NAV2: variants seen among roughly 807,000 people sequenced by gnomAD.
The protein encoded by NAV2 is neuron navigator 2, also known as helicase, APC down-regulated 1.
A neutral mutation model predicts 223.2 loss-of-function variants in NAV2; 54 were observed. That is an observed-to-expected ratio of 0.24 (90% CI 0.19 to 0.30). The LOEUF is 0.30. NAV2 is among the 10% of genes least tolerant of loss of function. The probability of loss-of-function intolerance (pLI) is 1.00; values close to 1 mark genes in which losing one functional copy is unlikely to be tolerated. For synonymous variants in NAV2, 1,279 were observed against 1,239.3 expected, an observed-to-expected ratio of 1.03 and a Z score of -0.67; for missense variants, 2,806 against 3,147.5, an observed-to-expected ratio of 0.89 and a Z score of 2.60.
chr11:19,868,116 G>T (rs1301852392), intron 3 of NAV2, among the ~76,000 whole-genome samples: 1 of 152,070 alleles, frequency 6.6e-6, no homozygotes, highest in Non-Finnish European at 1.5e-5. Context: ...GGAATGAGTG[G>T]GGTCCCCATT....
intron 2 of NAV2, among the ~76,000 whole-genome samples, chr11:19,841,629 G>A (rs894436797): frequency 2.0e-5 from 3 of 152,128 alleles, no homozygotes; most frequent in Non-Finnish European, 4.4e-5. Flanking sequence ...AACAGAGGCA[G>A]GTACAGGGTG....
At chr11:19,490,587 A>T (rs888134511) in intron 1 of NAV2, among the ~76,000 whole-genome samples, 1 of 152,192 alleles carries the variant, frequency 6.6e-6, no homozygotes, top group Non-Finnish European at 1.5e-5. Flanking sequence ...CATCTTCAGG[A>T]TCCACTTCTA....
chr11:19,431,782 A>G (rs766459473), intron 1 of NAV2, among the ~76,000 whole-genome samples: 11 of 152,250 alleles, frequency 7.2e-5, no homozygotes, highest in Non-Finnish European at 1.5e-4. Context: ...CAAGATTTGC[A>G]CATATAGGTG....
chr11:19,377,268 T>C (rs1848671767), intron 1 of NAV2, among the ~76,000 whole-genome samples: 1 of 152,184 alleles, frequency 6.6e-6, no homozygotes, highest in African/African-American at 2.4e-5. Context: ...ATCTATGTCT[T>C]CTTGTAGTTT....
chr11:20,035,841 C>T (rs777505316), intron 11 of NAV2, 118 bp from the exon 12 acceptor site: 100 of 1,180,964 alleles, frequency 8.5e-5, no homozygotes, highest in African/African-American at 7.3e-4. Flanking sequence ...GAGCTTTGTC[C>T]GGGGCTTCAT....
intron 1 of NAV2, among the ~76,000 whole-genome samples, chr11:19,829,789 T>C (rs1200442004): frequency 1.3e-5 from 2 of 152,208 alleles, no homozygotes; most frequent in Non-Finnish European, 2.9e-5. Flanking sequence ...ATAGTCCCAC[T>C]CTGAGTCTTC....
At chr11:19,712,688 G>T (rs1307679238), upstream of NAV2, 1 of 151,210 alleles carries the variant, frequency 6.6e-6, no homozygotes, top group African/African-American at 2.4e-5. Flanking sequence ...GGCCAAGCGC[G>T]GCCCCAGAGT....
intron 1 of NAV2, among the ~76,000 whole-genome samples, chr11:19,457,261 T>C (rs1382953865): frequency 6.6e-6 from 1 of 152,106 alleles, no homozygotes; most frequent in Non-Finnish European, 1.5e-5. Flanking sequence ...AATAGAGTAA[T>C]GTGAGAGGAA....
intron 1 of NAV2, among the ~76,000 whole-genome samples, chr11:19,538,028 C>G (rs1227104545): frequency 6.6e-6 from 1 of 152,172 alleles, no homozygotes; most frequent in South Asian, 2.1e-4. Flanking sequence ...AGAACTCAGA[C>G]CTGGGTTCCT....
rs748500174 is a variant in NAV2 at position 19,933,461 on chromosome 11, A to G, written c.1217A>G (p.Lys406Arg). ...CAGAAGTCCATGCTGGAAAAGCTGAAACTTTTCAACAGTAAAGGGGGCTCA... is the reference window on the plus strand; with the variant it reads ...CAGAAGTCCATGCTGGAAAAGCTGAGACTTTTCAACAGTAAAGGGGGCTCA... ...NNQKSMLEKL[K>R]LFNSKGGSKA... is the part of the protein sequence containing the mutation. Residue 406 changes from lysine (K) to arginine (R), a missense_variant, in exon 7 of 38, where the codon AAA (lysine) becomes AGA (arginine). Lys to Arg is a conservative substitution (Grantham distance 26). Around this residue, in one of 4 missense-constraint regions of NAV2, gnomAD observed 1,167 missense variants for 1,180.5 expected, o/e 0.99. Coordinates refer to ENST00000349880, the MANE Select transcript of NAV2 (RefSeq NM_145117.5). This position sits in a 1 kb window ranked among gnomAD's most constrained non-coding sequence, Gnocchi z 4.3. The G allele has an allele frequency of 1.9e-6, 3 of 1,606,146 alleles. No homozygotes were observed. In the Admixed American group the frequency reaches 5.1e-5, roughly 28 times the overall value.
At chr11:19,580,217 C>A (rs751774581) in intron 1 of NAV2, among the ~76,000 whole-genome samples, 1 of 152,098 alleles carries the variant, frequency 6.6e-6, no homozygotes, top group Non-Finnish European at 1.5e-5. Flanking sequence ...CAGTTGTCAC[C>A]GAAACCCAGA....
intron 6 of NAV2, among the ~76,000 whole-genome samples, chr11:19,917,699 G>A (rs1335990048): frequency 1.3e-5 from 2 of 152,156 alleles, no homozygotes; most frequent in East Asian, 1.9e-4. Context: ...TGCAACCTCC[G>A]CCTCCTGGGT....
rs371800598 is a variant in NAV2 at position 19,725,880 on chromosome 11, C to T, written c.267+11918C>T. ...TTTGTCATTTGCAAATACCAACTCTCGCTACATTCCATTGCTGTTTTTAAG... is the reference window on the plus strand; with the variant it reads ...TTTGTCATTTGCAAATACCAACTCTTGCTACATTCCATTGCTGTTTTTAAG... On this transcript the variant is annotated intron_variant, in intron 1 of 37. Coordinates refer to ENST00000349880, the MANE Select transcript of NAV2 (RefSeq NM_145117.5). Among the ~76,000 whole-genome samples, 292 of 152,344 alleles carry T rather than the reference C, an allele frequency of 1.9e-3. 1 individual carries two copies. The South Asian group carries it at 0.032, about 16-fold the overall frequency.
At chr11:19,861,149 C>T (rs1404102153) in intron 3 of NAV2, among the ~76,000 whole-genome samples, 1 of 151,974 alleles carries the variant, frequency 6.6e-6, no homozygotes, top group Non-Finnish European at 1.5e-5. Flanking sequence ...TTCTCTTAAA[C>T]AGATATTGTC....
At chr11:19,867,112 C>A (rs2062142329) in intron 3 of NAV2, among the ~76,000 whole-genome samples, 1 of 152,146 alleles carries the variant, frequency 6.6e-6, no homozygotes, top group African/African-American at 2.4e-5. Context: ...CATTTGTTCT[C>A]AAAAGCAGGG....
At position 19,793,226 on chromosome 11, in the gene NAV2, A is replaced by AAAAG. The variant is rs71050687; in HGVS notation, c.268-39237_268-39234dup. Among the ~76,000 whole-genome samples, 66 of 127,306 alleles carry AAAAG rather than the reference A, an allele frequency of 5.2e-4. 1 individual carries two copies. The highest frequency in any genetic ancestry group is 4.1e-3 in the Middle Eastern group (1 of 244). 83.5% of individuals were successfully genotyped at this position (127,306 alleles called of 152,430 possible). ...TGTCTCAAAAAAAAAAAAAAAAAAAAAAAGAAAGAAAGAAAGAAAGAAAGG... is the reference window on the plus strand; with the variant it reads ...TGTCTCAAAAAAAAAAAAAAAAAAAAAAAGAAAGAAAGAAAGAAAGAAAGAAAGG... On this transcript the variant is annotated intron_variant, in intron 1 of 37. Transcript: ENST00000349880.
intron 1 of NAV2, among the ~76,000 whole-genome samples, chr11:19,782,129 C>T (rs1246841956): frequency 2.0e-5 from 3 of 152,204 alleles, no homozygotes; most frequent in Non-Finnish European, 4.4e-5. Context: ...TGTCCATTTT[C>T]TACTAATTCC....
chr11:19,416,923 T>TA (rs1850395583), intron 1 of NAV2, among the ~76,000 whole-genome samples: 1 of 152,226 alleles, frequency 6.6e-6, no homozygotes, highest in Non-Finnish European at 1.5e-5. Context: ...ACCGCTTCCT[T>TA]ACACCTTATA....
chr11:19,621,498 C>T (rs367938261), intron 1 of NAV2, among the ~76,000 whole-genome samples: 14 of 152,116 alleles, frequency 9.2e-5, no homozygotes, highest in Admixed American at 3.9e-4. Context: ...GTGTATGTAT[C>T]GAGGAATTTA....
Sources: allele counts gnomAD v4.1 joint callset (sites outside exome capture counted in the v4.1 genomes callset), GRCh38; gene constraint gnomAD v4.1.1; regional missense constraint gnomAD v4.1.1; non-coding constraint Gnocchi (gnomAD v3.1); transcripts MANE v1.5; gene names NCBI Gene and HGNC (gene_info 2026-07-23, HGNC 2026-07-21).